The following SLIT3 variants were observed in gnomAD, a reference collection of about 807,000 sequenced individuals.
SLIT3 encodes slit guidance ligand 3.
SLIT3 carries 68 observed loss-of-function variants against 184.0 expected under a neutral mutation model. The observed-to-expected ratio is 0.37, with a 90% CI of 0.30 to 0.45. The LOEUF (loss-of-function observed/expected upper bound fraction) is 0.45, where lower values mean the gene tolerates loss of function less well. Ranked by LOEUF, SLIT3 falls within the 20% of genes least tolerant of loss-of-function variation. The pLI is 1.00. For missense variants in SLIT3, 1,707 were observed against 2,026.0 expected (o/e 0.84, Z 3.02); for synonymous variants, 831 against 828.6 (o/e 1.00, Z -0.05).
chr5:169,223,101 C>G (rs545112692), intron 3 of SLIT3, among the ~76,000 whole-genome samples: 8 of 152,146 alleles, frequency 5.3e-5, no homozygotes, highest in African/African-American at 1.7e-4. Flanking sequence ...TTTTCCTGTG[C>G]TTTTCCCACA....
intron 20 of SLIT3, 79 bp from the exon 21 acceptor site, chr5:168,724,563 C>T (rs1763046104): frequency 8.2e-7 from 1 of 1,220,950 alleles, no homozygotes; most frequent in Non-Finnish European, 1.2e-6. Flanking sequence ...GCCTCCCTGA[C>T]TTTCCAGGCT....
At chr5:168,743,267 G>T (rs917335452) in intron 20 of SLIT3, among the ~76,000 whole-genome samples, 5 of 152,092 alleles carry the variant, frequency 3.3e-5, no homozygotes, top group African/African-American at 9.7e-5. Context: ...GAAGGTTTAT[G>T]GCAACCCCGC....
chr5:168,712,047 A>G (rs1394385195), intron 24 of SLIT3, among the ~76,000 whole-genome samples: 1 of 152,206 alleles, frequency 6.6e-6, no homozygotes, highest in African/African-American at 2.4e-5. Context: ...CCCATAGTAC[A>G]TGTTTTCTAT....
chr5:168,867,784 T>C (rs1195903024), intron 5 of SLIT3, among the ~76,000 whole-genome samples: 2 of 149,948 alleles, frequency 1.3e-5, no homozygotes, highest in African/African-American at 2.4e-5. Context: ...GGATTTAAAC[T>C]GATTCAAGGG....
At chr5:168,867,721 CCTT>C (rs1262595697) in intron 5 of SLIT3, among the ~76,000 whole-genome samples, 1 of 152,236 alleles carries the variant, frequency 6.6e-6, no homozygotes, top group Admixed American at 6.5e-5. Context: ...CTCCCCCGAG[CCTT>C]CTTGATTGCC....
intron 4 of SLIT3, among the ~76,000 whole-genome samples, chr5:168,973,593 C>G (rs539344860): frequency 2.6e-5 from 4 of 152,290 alleles, no homozygotes; most frequent in African/African-American, 9.6e-5. Flanking sequence ...ATTTACACGG[C>G]TTGTAATTCA....
chr5:169,103,626 T>C (rs1760097674), intron 4 of SLIT3, among the ~76,000 whole-genome samples: 1 of 152,208 alleles, frequency 6.6e-6, no homozygotes, highest in Non-Finnish European at 1.5e-5. Flanking sequence ...AGGGTGGGCA[T>C]GCTGTTACCG....
At chr5:168,704,900 C>G (rs1762331668) in intron 26 of SLIT3, among the ~76,000 whole-genome samples, 1 of 152,170 alleles carries the variant, frequency 6.6e-6, no homozygotes, top group Non-Finnish European at 1.5e-5. Flanking sequence ...TGGGCGGGCT[C>G]TAACCCCGGC....
chr5:169,297,755 G>A (rs996990555), intron 1 of SLIT3, among the ~76,000 whole-genome samples: 1 of 152,142 alleles, frequency 6.6e-6, no homozygotes, highest in Non-Finnish European at 1.5e-5. Flanking sequence ...GTTTTCTTCT[G>A]TATTTGCAAT....
intron 4 of SLIT3, among the ~76,000 whole-genome samples, chr5:169,151,752 G>A (rs1331400731): frequency 6.6e-6 from 1 of 152,228 alleles, no homozygotes; most frequent in Non-Finnish European, 1.5e-5. Context: ...TGAAAGGCCT[G>A]CCTTCCTCAT....
chr5:168,803,734 G>GA (rs1272809938), intron 9 of SLIT3, among the ~76,000 whole-genome samples: 1 of 152,042 alleles, frequency 6.6e-6, no homozygotes, highest in African/African-American at 2.4e-5. Flanking sequence ...CTGCCAAAGA[G>GA]AAAAAAACCT....
intron 4 of SLIT3, among the ~76,000 whole-genome samples, chr5:169,044,590 G>GC (rs1757562029): frequency 6.7e-6 from 1 of 150,198 alleles, no homozygotes; most frequent in South Asian, 2.1e-4. Flanking sequence ...AGGAAGGTGG[G>GC]GGGGGGGATG....
chr5:169,234,595 C>G (rs1041673056), intron 3 of SLIT3, among the ~76,000 whole-genome samples: 2 of 151,876 alleles, frequency 1.3e-5, no homozygotes, highest in African/African-American at 2.4e-5. Context: ...TTGGTAGAGA[C>G]GAGGTTTCAT....
intron 3 of SLIT3, among the ~76,000 whole-genome samples, chr5:169,238,193 T>C (rs1252335104): frequency 2.0e-5 from 3 of 152,188 alleles, no homozygotes; most frequent in African/African-American, 7.2e-5. Context: ...GCAGTACTTA[T>C]TTTGAAGTAC....
chr5:169,205,651 A>G (rs1764044234), intron 3 of SLIT3, among the ~76,000 whole-genome samples: 1 of 152,194 alleles, frequency 6.6e-6, no homozygotes, highest in African/African-American at 2.4e-5. Flanking sequence ...CCACTTATCT[A>G]ACAGAATTAC....
chr5:169,227,201 G>A (rs574484292), intron 3 of SLIT3, among the ~76,000 whole-genome samples: 1 of 152,308 alleles, frequency 6.6e-6, no homozygotes, highest in Non-Finnish European at 1.5e-5. Context: ...TAGCTGAACA[G>A]TCTGTCTTCT....
intron 1 of SLIT3, among the ~76,000 whole-genome samples, chr5:169,275,596 A>T (rs2113638836): frequency 6.6e-6 from 1 of 152,308 alleles, no homozygotes; most frequent in African/African-American, 2.4e-5. Context: ...TCTCATAATC[A>T]TGGTGGAGGG....
chr5:168,793,046 T>C (rs1258852054), intron 10 of SLIT3, among the ~76,000 whole-genome samples: 3 of 152,220 alleles, frequency 2.0e-5, no homozygotes, highest in African/African-American at 7.2e-5. Context: ...AGATATCTCA[T>C]TATGTATGTG....
intron 4 of SLIT3, among the ~76,000 whole-genome samples, chr5:169,075,677 A>C (rs1409950734): frequency 6.6e-6 from 1 of 152,230 alleles, no homozygotes; most frequent in Admixed American, 6.5e-5. Flanking sequence ...TTATATGCAG[A>C]TAGAACAATG....
Sources: gnomAD v4.1 joint callset for allele counts (sites outside exome capture counted in the v4.1 genomes callset) on GRCh38, gnomAD v4.1.1 for gene constraint, MANE v1.5 for transcripts, NCBI Gene and HGNC (gene_info 2026-07-23, HGNC 2026-07-21) for gene names.